Variants in ANKRD1 observed in about 807,000 individuals in gnomAD.
ANKRD1 encodes ankyrin repeat domain-containing protein 1.
In ANKRD1, 32 loss-of-function variants were observed where a neutral mutation model predicts 40.1. The observed-to-expected ratio is 0.80, with a 90% CI of 0.60 to 1.07. The LOEUF is 1.07. Ranked by LOEUF, ANKRD1 falls within the 50% of genes least tolerant of loss-of-function variation. The pLI is 0.00. For synonymous variants in ANKRD1, 149 were observed against 141.2 expected, an observed-to-expected ratio of 1.06 and a Z score of -0.39; for missense variants, 359 against 386.0, an observed-to-expected ratio of 0.93 and a Z score of 0.59.
Position 90,916,182 on chromosome 10 carries a change from C to G in ANKRD1, c.640G>C (p.Ala214Pro). 6.2e-7 allele frequency: 1 copy of G among 1,613,012 alleles called. No individual in the cohort carries two copies. Among genetic ancestry groups the G allele is most frequent in the East Asian group, 2.2e-5 (1 of 44,860 alleles). ...AGAAGAAGGAATACCTTATCTCGGGCGCTAATTTTTGCTCCTTTATTCAGC... is the reference window on the plus strand; with the variant it reads ...AGAAGAAGGAATACCTTATCTCGGGGGCTAATTTTTGCTCCTTTATTCAGC... ...LLLNKGAKIS[A>P]RDKLLSTALH... The change falls in exon 6 of 9, where the codon GCC becomes CCC. Residue 214 changes from alanine to proline, a missense_variant. By Grantham distance (27) the Ala-to-Pro change is conservative. Coordinates refer to ENST00000371697, the MANE Select transcript of ANKRD1 (RefSeq NM_014391.3).
rs2120265357 is a variant in ANKRD1 at position 90,915,833 on chromosome 10, C to T, written c.699G>A (p.Glu233=). The change falls in exon 7 of 9, where the codon GAG becomes GAA. Residue 233 remains glutamate, a synonymous_variant. Transcript: ENST00000371697. The stretch of plus-strand genomic sequence containing the variant: ...CACAGGCGATAAGATGCTCCGCGCA[C>T]TCATAGTGGCCAGTCCTCACCGCCA... ...LHVAVRTGHY[E]CAEHLIACEA... 2 of 1,613,636 alleles carry T rather than the reference C, an allele frequency of 1.2e-6. No homozygotes were observed. Among genetic ancestry groups the T allele is most frequent in the Non-Finnish European group, 1.7e-6 (2 of 1,179,952 alleles).
chr10:90,912,914 G>A lies in ANKRD1; in HGVS notation c.912C>T (p.Asp304=). The A allele has an allele frequency of 6.2e-7, 1 of 1,614,084 alleles. No homozygotes were observed. Residue 304 remains aspartate, a synonymous_variant, in exon 9 of 9, where the codon GAC becomes GAT. Coordinates refer to ENST00000371697, the MANE Select transcript of ANKRD1 (RefSeq NM_014391.3). ...TCTTGTAGGAGTTCTCTCTGAGGCT[G>A]TCGAATATTGCTTTGGTTCCATTCT... ...HWQNGTKAIF[D]SLRENSYKTS...
At chr10:90,914,414 GTC>G (rs1220338717) in intron 8 of ANKRD1, among the ~76,000 whole-genome samples, 2 of 151,762 alleles carry the variant, frequency 1.3e-5, no homozygotes, top group African/African-American at 2.4e-5. Context: ...TATGCTATTT[GTC>G]TCTGCTGGTA....
chr10:90,914,788 AT>A (rs1337867908), intron 8 of ANKRD1, among the ~76,000 whole-genome samples: 3 of 131,912 alleles, frequency 2.3e-5, no homozygotes, highest in Non-Finnish European at 3.0e-5. Context: ...TTCTTCAGAA[AT>A]TTATACCTGT....
chr10:90,918,892 G>T lies in ANKRD1; in HGVS notation c.426C>A (p.Asp142Glu). 6.2e-7 allele frequency: 1 copy of T among 1,611,980 alleles called. No individual in the cohort carries two copies. The highest frequency in any genetic ancestry group is 1.1e-5 in the South Asian group (1 of 91,048). The change falls in exon 4 of 9, where the codon GAC (aspartate) becomes GAA (glutamate). Residue 142 changes from aspartate to glutamate, a missense_variant. Asp to Glu is a conservative substitution (Grantham distance 45, BLOSUM62 2). Transcript: ENST00000371697. The part of the protein sequence containing the change: ...KLPVVEKFLS[D>E]KNNPDVCDEY... ...CATCACAAACATCTGGATTGTTCTT[G>T]TCTGACAAGAATTTTTCTACTACTG...
intron 8 of ANKRD1, among the ~76,000 whole-genome samples, chr10:90,914,189 A>G (rs1006890822): frequency 6.6e-6 from 1 of 152,194 alleles, no homozygotes; most frequent in Non-Finnish European, 1.5e-5. Flanking sequence ...TTAAGATGGC[A>G]TCAATAGGTT....
intron 2 of ANKRD1, 151 bp downstream of exon 2, chr10:90,920,018 C>G (rs776574182): frequency 3.1e-6 from 3 of 974,584 alleles, no homozygotes; most frequent in African/African-American, 1.6e-5. Context: ...TTCCCAAAAC[C>G]TGTTCCATAC....
intron 5 of ANKRD1, 69 bp from the exon 6 acceptor site, chr10:90,916,338 A>C: frequency 8.6e-7 from 1 of 1,163,098 alleles, no homozygotes. Flanking sequence ...CCTGGTTGCT[A>C]GGGCATCCGT....
rs143588078 is a variant in ANKRD1, at chr10:90,920,189, C to T, written c.187G>A (p.Glu63Lys). The T allele has an allele frequency of 2.5e-5, 40 of 1,613,852 alleles. No homozygotes were observed. The highest frequency in any genetic ancestry group is 1.7e-4 in the Admixed American group (10 of 59,992). ...VTLGEQQWKS[E>K]KQREAELKKK... is the part of the protein sequence containing the mutation. ...CTCACCTCTGCCTCTCGTTGTTTCT[C>T]GCTTTTCCACTGTTGCTCCCCCAGG... Residue 63 changes from glutamate (E) to lysine (K), a missense_variant, in exon 2 of 9, where the codon GAG (glutamate) becomes AAG (lysine). Coordinates refer to ENST00000371697, the MANE Select transcript of ANKRD1 (RefSeq NM_014391.3).
chr10:90,916,940 A>G (rs1265535098), intron 5 of ANKRD1, among the ~76,000 whole-genome samples: 1 of 152,094 alleles, frequency 6.6e-6, no homozygotes, highest in Non-Finnish European at 1.5e-5. Context: ...TGTAACGTGT[A>G]TAGTTACCCC....
In ANKRD1 at chr10:90,918,852, G is replaced by A; in HGVS notation, c.453+13C>T. ...AATGAGCTGGATTTTGCAGTGCTTT[G>A]CATGAGTCTTACCTCATCACAAACA... On this transcript the variant is annotated intron_variant, in intron 4 of 8. Transcript: ENST00000371697. 2 of 1,576,814 alleles carry A rather than the reference G, an allele frequency of 1.3e-6. No individual in the cohort carries two copies. The highest frequency in any genetic ancestry group is 4.5e-5 in the East Asian group (2 of 44,516).
chr10:90,918,797 A>G, intron 4 of ANKRD1, 68 bp downstream of exon 4: 2 of 1,275,626 alleles, frequency 1.6e-6, no homozygotes, highest in East Asian at 4.8e-5. Context: ...TATTAGCAAG[A>G]CTGGAGTAAA....
chr10:90,920,282 C>G lies in ANKRD1; in HGVS notation c.94G>C (p.Glu32Gln), dbSNP rs1417348160. ...TCTAAAGTAACAGCAGCTTCATACT[C>G]TCCATCTCTGAAATCCTCAGGAAGG... is the stretch of plus-strand genomic sequence containing the variant. ...EFLPEDFRDG[E>Q]YEAAVTLEKQ... Residue 32 changes from glutamate (E) to glutamine (Q), a missense_variant, in exon 2 of 9, where the codon GAG (glutamate) becomes CAG (glutamine). Transcript: ENST00000371697. 1.9e-6 allele frequency: 3 copies of G among 1,614,076 alleles called. No homozygotes were observed. The highest frequency in any genetic ancestry group is 2.5e-6 in the Non-Finnish European group (3 of 1,180,024).
Position 90,917,693 on chromosome 10 carries a change from C to A in ANKRD1, c.552+39G>T, listed in dbSNP as rs1187468107. On this transcript the variant is annotated intron_variant, in intron 5 of 8. Transcript: ENST00000371697. Reference sequence around the variant, plus strand: ...GTTTTCCGGAGCTTCATATAGTCTACTTCTTTTGGCTCATTCCCAAGCAAA... The same window carrying A: ...GTTTTCCGGAGCTTCATATAGTCTAATTCTTTTGGCTCATTCCCAAGCAAA... 4 of 1,571,410 alleles carry A rather than the reference C, an allele frequency of 2.5e-6. No homozygotes were observed. In the African/African-American group the frequency reaches 4.1e-5, roughly 16 times the overall value.
At chr10:90,920,380 C>T (rs1452388919) in intron 1 of ANKRD1, 32 bp from the exon 2 acceptor site, 12 of 1,612,848 alleles carry the variant, frequency 7.4e-6, no homozygotes, top group Non-Finnish European at 1.0e-5. Flanking sequence ...GCGTCAGAAG[C>T]AGCAGCCTCG....
intron 8 of ANKRD1, 42 bp downstream of exon 8, chr10:90,915,501 T>C (rs764910745): frequency 2.5e-5 from 39 of 1,536,896 alleles, no homozygotes; most frequent in South Asian, 2.5e-4. Flanking sequence ...CTCCTGGAAA[T>C]TGGAAAGCTT....
chr10:90,914,292 C>G (rs1322874896), intron 8 of ANKRD1, among the ~76,000 whole-genome samples: 1 of 152,090 alleles, frequency 6.6e-6, no homozygotes, highest in Admixed American at 6.5e-5. Flanking sequence ...ATTCAGAACC[C>G]TAAGCCGTAT....
At chr10:90,917,014 T>C (rs1433804041) in intron 5 of ANKRD1, among the ~76,000 whole-genome samples, 4 of 152,204 alleles carry the variant, frequency 2.6e-5, no homozygotes, top group Admixed American at 2.6e-4. Context: ...CCCACACTCA[T>C]GATTTTTAGT....
intron 5 of ANKRD1, 66 bp downstream of exon 5, chr10:90,917,666 A>T: frequency 7.2e-7 from 1 of 1,388,822 alleles, no homozygotes; most frequent in Admixed American, 1.7e-5. Context: ...TTTGCATTGG[A>T]GGTTTTCCGG....
Sources: gnomAD v4.1 joint callset for allele counts (sites outside exome capture counted in the v4.1 genomes callset) on GRCh38, gnomAD v4.1.1 for gene constraint, MANE v1.5 for transcripts, NCBI Gene and HGNC (gene_info 2026-07-23, HGNC 2026-07-21) for gene names.